GRID2: variants seen among roughly 807,000 people sequenced by gnomAD.
GRID2 encodes the protein glutamate receptor ionotropic, delta-2.
Under a neutral mutation model 114.8 loss-of-function variants are expected in GRID2, and 33 were observed. The ratio of observed to expected loss-of-function variants is 0.29; its 90% CI spans 0.22 to 0.38. The LOEUF is 0.38. Among genes scored for constraint, GRID2 ranks in the 10% least tolerant of loss-of-function variants. The pLI is 1.00. For missense variants in GRID2, 1,184 were observed against 1,257.7 expected, an observed-to-expected ratio of 0.94 and a Z score of 0.89; for synonymous variants, 505 against 449.9, an observed-to-expected ratio of 1.12 and a Z score of -1.55.
chr4:93,368,212 G>A (rs1355691545), intron 8 of GRID2, among the ~76,000 whole-genome samples: 2 of 151,980 alleles, frequency 1.3e-5, no homozygotes, highest in Admixed American at 1.3e-4. Flanking sequence ...CTTACCTAGA[G>A]GATGTGGTTA....
At chr4:92,542,888 G>C (rs1298666979) in intron 1 of GRID2, among the ~76,000 whole-genome samples, 1 of 152,076 alleles carries the variant, frequency 6.6e-6, no homozygotes, top group Non-Finnish European at 1.5e-5. Context: ...AGTAGACCCT[G>C]TTCTTCTAAA....
chr4:93,635,878 G>A lies in GRID2; in HGVS notation c.2360+9443G>A, dbSNP rs111549018. 3.0e-3 allele frequency among the ~76,000 whole-genome samples: 450 copies of A among 152,228 alleles called. 2 individuals carry two copies. Among genetic ancestry groups the A allele is most frequent in the African/African-American group, 9.9e-3 (413 of 41,534 alleles). ...ATGGGCTCCATATGATTTGAGATTA[G>A]TTTTATTAGTCTTGCCAAACTGTAG... On this transcript the variant is annotated intron_variant, in intron 14 of 15. Coordinates refer to ENST00000282020, the MANE Select transcript of GRID2 (RefSeq NM_001510.4).
intron 1 of GRID2, among the ~76,000 whole-genome samples, chr4:92,385,984 C>T (rs1729941721): frequency 2.7e-5 from 4 of 149,790 alleles, no homozygotes. Context: ...AAAATATGCC[C>T]TTTGTGAAAT....
At chr4:93,222,604 A>T (rs952861372) in intron 6 of GRID2, among the ~76,000 whole-genome samples, 2 of 151,858 alleles carry the variant, frequency 1.3e-5, no homozygotes, top group Non-Finnish European at 2.9e-5. Flanking sequence ...TTCTAATGCT[A>T]TCCCTCACCC....
rs1163085796 is a variant in GRID2, at chr4:92,472,230, GCC to G, written c.89-117900_89-117899del. Among the ~76,000 whole-genome samples the G allele has an allele frequency of 4.0e-5, 6 of 151,524 alleles. 1 individual carries two copies. The highest frequency in any genetic ancestry group is 6.6e-5 in the Admixed American group (1 of 15,204). ...TTACAGGCGTGAGCCACCGCGCCCG[GCC>G]GTTATCCATATTTCTATGAATGTCA... On this transcript the variant is annotated intron_variant, in intron 1 of 15. Coordinates refer to ENST00000282020, the MANE Select transcript of GRID2 (RefSeq NM_001510.4).
chr4:93,522,624 G>C (rs1730450969), intron 13 of GRID2, among the ~76,000 whole-genome samples: 1 of 152,086 alleles, frequency 6.6e-6, no homozygotes, highest in African/African-American at 2.4e-5. Flanking sequence ...TAAAAGGAAA[G>C]TGATGATACA....
At chr4:92,958,586 G>T (rs1300000202) in intron 2 of GRID2, among the ~76,000 whole-genome samples, 1 of 152,012 alleles carries the variant, frequency 6.6e-6, no homozygotes, top group Non-Finnish European at 1.5e-5. Context: ...TTTTGTTGAA[G>T]ATATTTGCAT....
chr4:93,017,662 C>A (rs182917714), intron 2 of GRID2, among the ~76,000 whole-genome samples: 1 of 151,698 alleles, frequency 6.6e-6, no homozygotes, highest in Non-Finnish European at 1.5e-5. Flanking sequence ...AAAAATTAAC[C>A]AGGCATGGTG....
At chr4:92,576,891 CTT>C (rs1159557994) in intron 1 of GRID2, among the ~76,000 whole-genome samples, 6 of 152,140 alleles carry the variant, frequency 3.9e-5, no homozygotes, top group Non-Finnish European at 5.9e-5. Flanking sequence ...TCTAGCCCCT[CTT>C]CTTTCTCTTT....
chr4:93,220,175 G>A (rs1282751537), intron 6 of GRID2, among the ~76,000 whole-genome samples: 1 of 151,996 alleles, frequency 6.6e-6, no homozygotes, highest in Non-Finnish European at 1.5e-5. Flanking sequence ...CAATGGTTTG[G>A]AGTACCTCAG....
intron 10 of GRID2, among the ~76,000 whole-genome samples, chr4:93,452,640 G>A (rs1052190965): frequency 1.3e-5 from 2 of 152,080 alleles, no homozygotes; most frequent in Non-Finnish European, 2.9e-5. Context: ...AGTAGACTGG[G>A]TATGGGCTAT....
chr4:93,581,878 G>A (rs1737010861), intron 13 of GRID2, among the ~76,000 whole-genome samples: 1 of 152,104 alleles, frequency 6.6e-6, no homozygotes, highest in Admixed American at 6.6e-5. Context: ...TGTTTTTAAA[G>A]AGATGCCATG....
At chr4:92,832,546 A>G (rs1375665946) in intron 2 of GRID2, among the ~76,000 whole-genome samples, 1 of 151,544 alleles carries the variant, frequency 6.6e-6, no homozygotes, top group Non-Finnish European at 1.5e-5. Context: ...GGCACCCGCC[A>G]CCACGCCTGA....
At chr4:92,514,499 A>G (rs867208394) in intron 1 of GRID2, among the ~76,000 whole-genome samples, 33 of 151,864 alleles carry the variant, frequency 2.2e-4, no homozygotes, top group African/African-American at 7.5e-4. Context: ...TGCTATTTCC[A>G]TAGGCTGTGA....
chr4:93,221,655 CA>C (rs779904628), intron 6 of GRID2, among the ~76,000 whole-genome samples: 1 of 151,896 alleles, frequency 6.6e-6, no homozygotes, highest in Non-Finnish European at 1.5e-5. Flanking sequence ...ATAAAATTAC[CA>C]AAAGATCAGT....
chr4:93,385,439 T>A (rs1174955556), intron 8 of GRID2, among the ~76,000 whole-genome samples: 1 of 152,130 alleles, frequency 6.6e-6, no homozygotes, highest in Non-Finnish European at 1.5e-5. Context: ...ACAAAACTCC[T>A]CTATGCTGCT....
At chr4:93,606,743 C>G (rs1317347864) in intron 13 of GRID2, among the ~76,000 whole-genome samples, 1 of 152,006 alleles carries the variant, frequency 6.6e-6, no homozygotes, top group Non-Finnish European at 1.5e-5. Flanking sequence ...CCTGGCCTGA[C>G]TAGGAATAAA....
chr4:92,403,943 T>C (rs1463605030), intron 1 of GRID2, among the ~76,000 whole-genome samples: 2 of 152,104 alleles, frequency 1.3e-5, no homozygotes, highest in Non-Finnish European at 2.9e-5. Flanking sequence ...GTGGGCATAG[T>C]TCATGGCTGA....
In GRID2 at chr4:92,346,812, CATG is replaced by C. The variant is rs536661773; in HGVS notation, c.88+42071_88+42073del. The stretch of plus-strand genomic sequence containing the variant: ...AAATTTCATATGCAATTAAAAAATT[CATG>C]ATAAGTTAAAGGAGTTTCCATCTTT... On this transcript the variant is annotated intron_variant, in intron 1 of 15. Coordinates refer to ENST00000282020, the MANE Select transcript of GRID2 (RefSeq NM_001510.4). Among the ~76,000 whole-genome samples, 426 of 152,162 alleles carry C rather than the reference CATG, an allele frequency of 2.8e-3. 2 individuals are homozygous for C. The highest frequency in any genetic ancestry group is 9.8e-3 in the African/African-American group (408 of 41,522).
Sources: gnomAD v4.1 joint callset for allele counts (sites outside exome capture counted in the v4.1 genomes callset) on GRCh38, gnomAD v4.1.1 for gene constraint, MANE v1.5 for transcripts, NCBI Gene and HGNC (gene_info 2026-07-23, HGNC 2026-07-21) for gene names.